The following CXCL10 variants were observed in gnomAD, a reference collection of about 807,000 sequenced individuals.
The protein encoded by CXCL10 is C-X-C motif chemokine ligand 10.
Under a neutral mutation model 10.8 loss-of-function variants are expected in CXCL10, and 6 were observed. The ratio of observed to expected loss-of-function variants is 0.55; its 90% CI spans 0.30 to 1.09. The LOEUF (loss-of-function observed/expected upper bound fraction) is 1.09, where lower values mean the gene tolerates loss of function less well. CXCL10 is among the 50% of genes least tolerant of loss of function. The pLI, the probability that CXCL10 is intolerant of heterozygous loss-of-function variation, is 0.06. For missense variants in CXCL10, 114 were observed against 114.3 expected, an observed-to-expected ratio of 1.00 and a Z score of 0.01; for synonymous variants, 35 against 35.8, an observed-to-expected ratio of 0.98 and a Z score of 0.08.
chr4:76,021,584 A>G lies in CXCL10; in HGVS notation c.*346T>C, dbSNP rs974414524. On this transcript the variant is annotated 3_prime_UTR_variant, in exon 4 of 4. Coordinates refer to ENST00000306602, the MANE Select transcript of CXCL10 (RefSeq NM_001565.4). The stretch of plus-strand genomic sequence containing the variant: ...ATTTGAGATTCTGAGAATTCTGATA[A>G]ACCCCAAAGCAGAAAGATTCCTTAG... 2.5e-5 allele frequency: 6 copies of G among 236,580 alleles called. No homozygotes were observed. The highest frequency in any genetic ancestry group is 4.6e-5 in the Non-Finnish European group (6 of 131,290). 14.7% of individuals were successfully genotyped at this position (236,580 alleles called of 1,614,324 possible). A position where few individuals can be genotyped will look rare whatever the true frequency, so the allele number is the denominator to read the frequency against.
intron 3 of CXCL10, 126 bp from the exon 4 acceptor site, chr4:76,022,074 A>T (rs1211148189): frequency 9.5e-6 from 9 of 949,398 alleles, no homozygotes; most frequent in Non-Finnish European, 1.5e-5. Context: ...TGCATTCATT[A>T]TGGATTATAG....
rs1560578285 is a variant in CXCL10 at position 76,023,419 on chromosome 4, CA to C, written c.12del (p.Ala5ProfsTer3). MNQ[T>X]AILICCLIFL... ...AAGATAAGGCAGCAAATCAGAATGGCAGTTTGATTCATGGTGCTGAGACTGG... is the reference window on the plus strand; with the variant it reads ...AAGATAAGGCAGCAAATCAGAATGGCGTTTGATTCATGGTGCTGAGACTGG... On this transcript the variant is annotated frameshift_variant, in exon 1 of 4. Coordinates refer to ENST00000306602, the MANE Select transcript of CXCL10 (RefSeq NM_001565.4). LOFTEE classifies it high-confidence loss of function. 2.5e-6 allele frequency: 4 copies of C among 1,613,910 alleles called. No homozygotes were observed. The South Asian group carries it at 4.4e-5, about 18-fold the overall frequency.
chr4:76,023,276 G>A (rs539264732), intron 1 of CXCL10, 95 bp downstream of exon 1: 35 of 983,028 alleles, frequency 3.6e-5, no homozygotes, highest in Non-Finnish European at 2.1e-5. Flanking sequence ...AGCATGCAGT[G>A]AAACTTTTAC....
chr4:76,022,015 T>A (rs1732873087), intron 3 of CXCL10, 67 bp from the exon 4 acceptor site: 1 of 1,398,558 alleles, frequency 7.2e-7, no homozygotes, highest in Non-Finnish European at 1.0e-6. Context: ...GGGTTGTGTT[T>A]GGAAAGTACC....
rs141971505 is a variant in CXCL10, at chr4:76,021,843, A to G, written c.*87T>C. ...ACTAAGAACAATTATGGCTTGACAT[A>G]TACTCCATGTAGGGAAGTGATGGGA... On this transcript the variant is annotated 3_prime_UTR_variant, in exon 4 of 4. Coordinates refer to ENST00000306602, the MANE Select transcript of CXCL10 (RefSeq NM_001565.4). 1.8e-4 allele frequency: 230 copies of G among 1,266,132 alleles called. 1 individual carries two copies. In the African/African-American group the frequency reaches 3.0e-3, roughly 17 times the overall value. 78.4% of individuals were successfully genotyped at this position (1,266,132 alleles called of 1,614,324 possible).
intron 3 of CXCL10, 138 bp from the exon 4 acceptor site, chr4:76,022,086 G>C: frequency 1.1e-6 from 1 of 871,266 alleles, no homozygotes; most frequent in Non-Finnish European, 1.9e-6. Context: ...GGATTATAGG[G>C]GTTGCTTTTT....
chr4:76,023,479 A>G lies in CXCL10; in HGVS notation c.-48T>C, dbSNP rs1733080522. ...CTGCTGTAGGCTCAGAATATGTCTA[A>G]GCAATTGAGGAATGTCTCAGAAAAC... On this transcript the variant is annotated 5_prime_UTR_variant, in exon 1 of 4. Transcript: ENST00000306602. 2.0e-6 allele frequency: 3 copies of G among 1,536,024 alleles called. No homozygotes were observed. The highest frequency in any genetic ancestry group is 2.7e-6 in the Non-Finnish European group (3 of 1,109,410).
At chr4:76,022,617 T>C (rs1732963622) in intron 2 of CXCL10, 74 bp downstream of exon 2, 2 of 1,515,098 alleles carry the variant, frequency 1.3e-6, no homozygotes, top group Non-Finnish European at 1.8e-6. Flanking sequence ...TGATCTTTTT[T>C]TATTATCATT....
intron 3 of CXCL10, 73 bp from the exon 4 acceptor site, chr4:76,022,021 G>T: frequency 1.5e-6 from 2 of 1,338,622 alleles, no homozygotes; most frequent in Non-Finnish European, 2.1e-6. Context: ...TGTTTGGAAA[G>T]TACCGAGTTC....
chr4:76,023,438 G>A lies in CXCL10; in HGVS notation c.-7C>T. 1.2e-6 allele frequency: 2 copies of A among 1,613,462 alleles called. No homozygotes were observed. Among genetic ancestry groups the A allele is most frequent in the Non-Finnish European group, 1.7e-6 (2 of 1,179,398 alleles). On this transcript the variant is annotated 5_prime_UTR_variant, in exon 1 of 4. Transcript: ENST00000306602. ...GAATGGCAGTTTGATTCATGGTGCTGAGACTGGAGGTTCCTCTGCTGTAGG... is the reference window on the plus strand; with the variant it reads ...GAATGGCAGTTTGATTCATGGTGCTAAGACTGGAGGTTCCTCTGCTGTAGG...
rs1273752362 is a variant in CXCL10, at chr4:76,022,787, G to C, written c.92C>G (p.Thr31Ser). Residue 31 changes from threonine to serine, a missense_variant, in exon 2 of 4, where the codon ACC (threonine) becomes AGC (serine). By Grantham distance (58) the Thr-to-Ser change is moderately conservative. Coordinates refer to ENST00000306602, the MANE Select transcript of CXCL10 (RefSeq NM_001565.4). ...AGGTTGATTACTAATGCTGATGCAG[G>C]TACAGCGTACAGTTCTAGAGAGAGG... ...GVPLSRTVRC[T>S]CISISNQPVN... 2.5e-6 allele frequency: 4 copies of C among 1,611,922 alleles called. No individual in the cohort carries two copies. The highest frequency in any genetic ancestry group is 3.4e-6 in the Non-Finnish European group (4 of 1,179,770).
chr4:76,022,678 G>C lies in CXCL10; in HGVS notation c.188+13C>G. On this transcript the variant is annotated intron_variant, in intron 2 of 3. Transcript: ENST00000306602. The stretch of plus-strand genomic sequence containing the variant: ...CAACCAGGGAAGTGATAATCAGATG[G>C]GATTTCACTCACATGATCTCAACAC... 1.2e-6 allele frequency: 2 copies of C among 1,612,810 alleles called. No individual in the cohort carries two copies. The highest frequency in any genetic ancestry group is 1.7e-6 in the Non-Finnish European group (2 of 1,179,320).
intron 1 of CXCL10, 104 bp downstream of exon 1, chr4:76,023,267 G>A: frequency 1.2e-6 from 1 of 836,608 alleles, no homozygotes; most frequent in Non-Finnish European, 2.0e-6. Flanking sequence ...TTATTTATAA[G>A]CATGCAGTGA....
In CXCL10 at chr4:76,021,937, G is replaced by A. The variant is rs1348351557; in HGVS notation, c.290C>T (p.Ser97Phe). The A allele has an allele frequency of 6.2e-7, 1 of 1,611,480 alleles. No individual in the cohort carries two copies. The highest frequency in any genetic ancestry group is 1.3e-5 in the African/African-American group (1 of 74,830). The change falls in exon 4 of 4, where the codon TCT becomes TTT. Residue 97 changes from serine (S) to phenylalanine (F), a missense_variant. Physicochemically the swap from Ser to Phe is radical, Grantham distance 155. Transcript: ENST00000306602. The stretch of plus-strand genomic sequence containing the variant: ...TTTTGCTCCCCTCTGGTTTTAAGGA[G>A]ATCTTTTAGACCTGTAAGAAGAGAA... The part of the protein sequence containing the change: ...KAVSKERSKR[S>F]P
At position 76,021,961 on chromosome 4, in the gene CXCL10, A is replaced by C. The variant is rs780748900; in HGVS notation, c.279-13T>G. On this transcript the variant is annotated splice_polypyrimidine_tract_variant and intron_variant, in intron 3 of 3. Transcript: ENST00000306602. ...AGATCTTTTAGACCTGTAAGAAGAG[A>C]AAGGGGATATAAAAGTGTGATAGTC... The C allele has an allele frequency of 6.2e-7, 1 of 1,607,738 alleles. No homozygotes were observed. Among genetic ancestry groups the C allele is most frequent in the East Asian group, 2.2e-5 (1 of 44,808 alleles).
chr4:76,023,059 T>C (rs1483194539), intron 1 of CXCL10, among the ~76,000 whole-genome samples: 1 of 152,226 alleles, frequency 6.6e-6, no homozygotes, highest in Non-Finnish European at 1.5e-5. Context: ...ATGTGGTTCA[T>C]TGAGCTTAGT....
Position 76,022,798 on chromosome 4 carries a change from A to T in CXCL10, c.81T>A (p.Thr27=). The T allele has an allele frequency of 6.2e-7, 1 of 1,610,856 alleles. No homozygotes were observed. The highest frequency in any genetic ancestry group is 8.5e-7 in the Non-Finnish European group (1 of 1,179,664). The change falls in exon 2 of 4, where the codon ACT becomes ACA. Residue 27 remains threonine (T), a synonymous_variant. Coordinates refer to ENST00000306602, the MANE Select transcript of CXCL10 (RefSeq NM_001565.4). ...SGIQGVPLSR[T]VRCTCISISN... ...TAATGCTGATGCAGGTACAGCGTAC[A>T]GTTCTAGAGAGAGGTACTCCTGTAG...
At chr4:76,022,928 A>T (rs1225813297) in intron 1 of CXCL10, 111 bp from the exon 2 acceptor site, 4 of 1,075,720 alleles carry the variant, frequency 3.7e-6, no homozygotes, top group Non-Finnish European at 5.3e-6. Context: ...GCAAATAGTC[A>T]CTTAATCTGA....
At position 76,021,349 on chromosome 4, in the gene CXCL10, A is replaced by T. The variant is rs779036001; in HGVS notation, c.*581T>A. 6.6e-6 allele frequency: 1 copy of T among 152,656 alleles called. No individual in the cohort carries two copies. The highest frequency in any genetic ancestry group is 2.4e-5 in the African/African-American group (1 of 41,590). The allele number at this position is 152,656 out of a possible 1,614,324, so 9.5% of individuals were successfully genotyped here. ...ACACTGAAAACAATATAGGAAATAT[A>T]TACATCTAAGACTTCTACTTTGTAC... On this transcript the variant is annotated 3_prime_UTR_variant, in exon 4 of 4. Coordinates refer to ENST00000306602, the MANE Select transcript of CXCL10 (RefSeq NM_001565.4).
Sources: gnomAD v4.1 joint callset for allele counts (sites outside exome capture counted in the v4.1 genomes callset) on GRCh38, gnomAD v4.1.1 for gene constraint, MANE v1.5 for transcripts, NCBI Gene and HGNC (gene_info 2026-07-23, HGNC 2026-07-21) for gene names.